Variants in NPFFR2 observed in about 807,000 individuals in gnomAD.
The protein encoded by NPFFR2 is G-protein coupled receptor 74.
A neutral mutation model predicts 13.1 loss-of-function variants in NPFFR2; 15 were observed. The ratio of observed to expected loss-of-function variants is 1.15; its 90% confidence interval spans 0.77 to 1.76. The LOEUF (loss-of-function observed/expected upper bound fraction) is 1.76. NPFFR2 is among the 40% of genes most tolerant of loss of function. The pLI is 0.00. For missense variants in NPFFR2, 572 were observed against 503.5 expected, an observed-to-expected ratio of 1.14 and a Z score of -1.30; for synonymous variants, 190 against 175.7, an observed-to-expected ratio of 1.08 and a Z score of -0.65.
intron 1 of NPFFR2, among the ~76,000 whole-genome samples, chr4:72,064,552 A>G (rs902874013): frequency 1.3e-5 from 2 of 152,206 alleles, no homozygotes; most frequent in African/African-American, 4.8e-5. Flanking sequence ...AAAGCAAGTT[A>G]CTAGATCCAA....
At chr4:72,097,398 T>C (rs1301244671) in intron 1 of NPFFR2, among the ~76,000 whole-genome samples, 1 of 152,134 alleles carries the variant, frequency 6.6e-6, no homozygotes, top group Non-Finnish European at 1.5e-5. Flanking sequence ...TTTCTAGTTC[T>C]GTAGTGATTC....
At chr4:72,137,003 A>G (rs62320841) in intron 2 of NPFFR2, among the ~76,000 whole-genome samples, 35,778 of 152,140 alleles carry the variant, frequency 0.24, 5,429 homozygotes, top group Non-Finnish European at 0.33. Flanking sequence ...TTCCATTTTC[A>G]ACCAACGGCT....
At chr4:72,081,009 C>T (rs763933181) in intron 1 of NPFFR2, among the ~76,000 whole-genome samples, 3 of 152,128 alleles carry the variant, frequency 2.0e-5, no homozygotes, top group Non-Finnish European at 4.4e-5. Context: ...TAAGGAAGCT[C>T]AACTTGCTTG....
chr4:72,134,815 C>T (rs1418350975), intron 2 of NPFFR2, among the ~76,000 whole-genome samples: 1 of 152,068 alleles, frequency 6.6e-6, no homozygotes, highest in African/African-American at 2.4e-5. Flanking sequence ...ACGTTACTCC[C>T]AGGGCAGAGC....
intron 1 of NPFFR2, among the ~76,000 whole-genome samples, chr4:72,087,936 C>G (rs1043807478): frequency 2.0e-5 from 3 of 151,890 alleles, no homozygotes; most frequent in Non-Finnish European, 4.4e-5. Flanking sequence ...TGGCATCATC[C>G]CCCCAAAAAT....
Position 72,066,016 on chromosome 4 carries a change from G to A in NPFFR2, c.-8+33816G>A, listed in dbSNP as rs116059247. Among the ~76,000 whole-genome samples, 735 of 152,238 alleles carry A rather than the reference G, an allele frequency of 4.8e-3. 8 individuals are homozygous for A. Among genetic ancestry groups the A allele is most frequent in the African/African-American group, 0.016 (679 of 41,528 alleles). Reference sequence around the variant, plus strand: ...TCTCCACCTGTCTTAGTTAATTTGTGCTACTACAACAAAATACCAGAGACA... The same window carrying A: ...TCTCCACCTGTCTTAGTTAATTTGTACTACTACAACAAAATACCAGAGACA... On this transcript the variant is annotated intron_variant, in intron 1 of 3. Transcript: ENST00000308744.
chr4:72,064,737 G>C (rs1720017086), intron 1 of NPFFR2, among the ~76,000 whole-genome samples: 1 of 152,116 alleles, frequency 6.6e-6, no homozygotes, highest in Admixed American at 6.6e-5. Context: ...AAATTGATGA[G>C]ACAGACAGTT....
intron 3 of NPFFR2, among the ~76,000 whole-genome samples, chr4:72,146,086 G>A (rs1722773549): frequency 6.6e-6 from 1 of 152,134 alleles, no homozygotes; most frequent in South Asian, 2.1e-4. Context: ...TTTTACAGCT[G>A]TAAAGCAAAT....
chr4:72,043,013 T>C (rs1719270915), intron 1 of NPFFR2, among the ~76,000 whole-genome samples: 1 of 152,170 alleles, frequency 6.6e-6, no homozygotes, highest in Non-Finnish European at 1.5e-5. Context: ...TTAGGCCAAG[T>C]CCAGGCCCCC....
chr4:72,116,671 G>C (rs1345553171), intron 1 of NPFFR2, among the ~76,000 whole-genome samples: 1 of 152,140 alleles, frequency 6.6e-6, no homozygotes. Flanking sequence ...CCTATAAACA[G>C]TTCACTTGAG....
intron 1 of NPFFR2, among the ~76,000 whole-genome samples, chr4:72,062,425 T>C (rs548108255): frequency 6.6e-6 from 1 of 152,246 alleles, no homozygotes; most frequent in African/African-American, 2.4e-5. Flanking sequence ...TCTGGAAGCA[T>C]TGATTGCAAC....
chr4:72,050,749 G>T (rs1052260448), intron 1 of NPFFR2, among the ~76,000 whole-genome samples: 3 of 150,786 alleles, frequency 2.0e-5, no homozygotes, highest in Non-Finnish European at 4.4e-5. Context: ...ATCTCCCAAT[G>T]CTATCCCTCC....
At chr4:72,119,781 C>T (rs1425472890) in intron 1 of NPFFR2, among the ~76,000 whole-genome samples, 2 of 152,230 alleles carry the variant, frequency 1.3e-5, no homozygotes, top group Non-Finnish European at 2.9e-5. Flanking sequence ...TCTTTGCAAC[C>T]TGCAGACCAG....
intron 1 of NPFFR2, among the ~76,000 whole-genome samples, chr4:72,054,431 T>C (rs1391002377): frequency 6.6e-6 from 1 of 151,874 alleles, no homozygotes; most frequent in Non-Finnish European, 1.5e-5. Flanking sequence ...AATATTCCTA[T>C]AAAAAATTAA....
chr4:72,108,304 C>G (rs1721472855), intron 1 of NPFFR2, among the ~76,000 whole-genome samples: 1 of 151,932 alleles, frequency 6.6e-6, no homozygotes, highest in African/African-American at 2.4e-5. Flanking sequence ...AAGGCTTATC[C>G]TAGTAAATAT....
chr4:72,139,512 G>A (rs757108828), intron 3 of NPFFR2, among the ~76,000 whole-genome samples: 4 of 152,148 alleles, frequency 2.6e-5, no homozygotes, highest in Non-Finnish European at 4.4e-5. Context: ...TTATTAAATG[G>A]GGAATCCTTT....
chr4:72,141,995 T>A (rs971477849), intron 3 of NPFFR2, among the ~76,000 whole-genome samples: 1 of 152,194 alleles, frequency 6.6e-6, no homozygotes, highest in Non-Finnish European at 1.5e-5. Flanking sequence ...GTTGAATTGA[T>A]CCCTTTACCA....
At position 72,053,090 on chromosome 4, in the gene NPFFR2, T is replaced by C. The variant is rs114078339; in HGVS notation, c.-8+20890T>C. ...GTAGCTCGACCACCTTGGGCACATG[T>C]TCTCAAGACTTCCTGGGGCTGTGTC... On this transcript the variant is annotated intron_variant, in intron 1 of 3. Transcript: ENST00000308744. 6.3e-3 allele frequency among the ~76,000 whole-genome samples: 962 copies of C among 151,930 alleles called. 10 individuals carry two copies. The highest frequency in any genetic ancestry group is 0.022 in the African/African-American group (905 of 41,480).
chr4:72,134,389 A>G (rs2109840028), intron 2 of NPFFR2, among the ~76,000 whole-genome samples: 1 of 152,214 alleles, frequency 6.6e-6, no homozygotes, highest in East Asian at 1.9e-4. Context: ...CATGTTTTCA[A>G]TATTTTTCCT....
Sources: allele counts gnomAD v4.1 joint callset (sites outside exome capture counted in the v4.1 genomes callset), GRCh38; gene constraint gnomAD v4.1.1; transcripts MANE v1.5; gene names NCBI Gene and HGNC (gene_info 2026-07-23, HGNC 2026-07-21).